MOB1A: variants seen among roughly 807,000 people sequenced by gnomAD.
MOB1A encodes MOB1 Mps One Binder homolog A.
A neutral mutation model predicts 25.1 loss-of-function variants in MOB1A; 10 were observed. The ratio of observed to expected loss-of-function variants is 0.40; its 90% CI spans 0.25 to 0.68. The LOEUF (loss-of-function observed/expected upper bound fraction) is 0.68. MOB1A is among the 30% of genes least tolerant of loss of function. MOB1A has a pLI of 0.40. For missense variants in MOB1A, 177 were observed against 256.3 expected (o/e 0.69, Z 2.11); for synonymous variants, 81 against 79.5 (o/e 1.02, Z -0.10).
chr2:74,178,279 G>A (rs1693534483), intron 1 of MOB1A: 1 of 167,904 alleles, frequency 6.0e-6, no homozygotes, highest in Non-Finnish European at 1.3e-5. Context: ...AATGAAACTG[G>A]ACCTATAACC....
At chr2:74,174,006 C>T (rs1006693589) in intron 1 of MOB1A, among the ~76,000 whole-genome samples, 9 of 146,902 alleles carry the variant, frequency 6.1e-5, no homozygotes, top group African/African-American at 2.3e-4. Flanking sequence ...CGGTGGCTCA[C>T]ACCTGTAATC....
intron 1 of MOB1A, among the ~76,000 whole-genome samples, chr2:74,177,637 C>A (rs1210394255): frequency 6.6e-6 from 1 of 151,316 alleles, no homozygotes; most frequent in Non-Finnish European, 1.5e-5. Flanking sequence ...CAGTTTCTCA[C>A]AATAAAGTGG....
At chr2:74,174,346 A>C (rs531980637) in intron 1 of MOB1A, among the ~76,000 whole-genome samples, 1 of 152,152 alleles carries the variant, frequency 6.6e-6, no homozygotes, top group South Asian at 2.1e-4. Flanking sequence ...CTCTAATCCC[A>C]GCCATTTGAG....
chr2:74,158,909 C>A (rs1354904830), intron 5 of MOB1A, among the ~76,000 whole-genome samples, 182 bp downstream of exon 5: 2 of 152,060 alleles, frequency 1.3e-5, no homozygotes, highest in South Asian at 2.1e-4. Context: ...GGGGTGATAC[C>A]TTTTTATACT....
chr2:74,156,985 T>C (rs1000175767), intron 5 of MOB1A, among the ~76,000 whole-genome samples: 4 of 151,436 alleles, frequency 2.6e-5, no homozygotes, highest in African/African-American at 9.7e-5. Context: ...ATATAAGTAT[T>C]TGGTCTTCCT....
At chr2:74,178,014 T>C (rs1284257570) in intron 1 of MOB1A, 1 of 93,370 alleles carries the variant, frequency 1.1e-5, no homozygotes, top group Non-Finnish European at 2.0e-5. Context: ...AATGGGACTA[T>C]GAATTTGTTT....
intron 2 of MOB1A, among the ~76,000 whole-genome samples, chr2:74,170,574 A>C (rs1693262887): frequency 6.6e-6 from 1 of 151,804 alleles, no homozygotes. Context: ...GTCTCTACTA[A>C]AAATAGAAAA....
In MOB1A at chr2:74,165,338, A is replaced by C. The variant is rs753060505; in HGVS notation, c.289T>G (p.Trp97Gly). 6.5e-7 allele frequency: 1 copy of C among 1,541,586 alleles called. No homozygotes were observed. Among genetic ancestry groups the C allele is most frequent in the East Asian group, 2.3e-5 (1 of 43,018 alleles). The change falls in exon 4 of 6, where the codon TGG becomes GGG. Residue 97 changes from tryptophan (W) to glycine (G), a missense_variant. Coordinates refer to ENST00000396049, the MANE Select transcript of MOB1A (RefSeq NM_018221.5). ...TTTTTAATATTAGTACCATCTGCCC[A>C]GTGATATTCATATCTGAAGAGAAAA... ...MSAGPRYEYH[W>G]ADGTNIKKPI...
intron 1 of MOB1A, among the ~76,000 whole-genome samples, chr2:74,173,379 T>TTG (rs1169785240): frequency 1.2e-3 from 114 of 98,790 alleles, no homozygotes; most frequent in African/African-American, 5.0e-3. Flanking sequence ...AATTTCGGTT[T>TTG]TTTTTTTTTT....
rs886780264 is a variant in MOB1A, at chr2:74,152,743, T to G, written c.*3825A>C. The G allele has an allele frequency of 1.3e-5, 2 of 152,234 alleles. No individual in the cohort carries two copies. The highest frequency in any genetic ancestry group is 2.9e-5 in the Non-Finnish European group (2 of 68,034). The allele number at this position is 152,234 out of a possible 1,614,324, so 9.4% of individuals were successfully genotyped here. ...CATAAATTTTTATGTAAAGAACATT[T>G]AAAAATATTTTAGATGGTAACCAAA... On this transcript the variant is annotated 3_prime_UTR_variant, in exon 6 of 6. Transcript: ENST00000396049.
chr2:74,167,767 G>T (rs377518166), intron 2 of MOB1A, among the ~76,000 whole-genome samples: 2 of 152,076 alleles, frequency 1.3e-5, no homozygotes, highest in South Asian at 2.1e-4. Context: ...GCATACTGAG[G>T]ACAAAATACT....
chr2:74,164,132 AG>A (rs1238482289), intron 4 of MOB1A: 1 of 151,782 alleles, frequency 6.6e-6, no homozygotes, highest in Non-Finnish European at 1.5e-5. Flanking sequence ...TAAGATAATC[AG>A]GGGAGAAAAG....
At chr2:74,173,303 T>G in intron 1 of MOB1A, 1 of 466,182 alleles carries the variant, frequency 2.1e-6, no homozygotes, top group South Asian at 1.6e-5. Flanking sequence ...AGAAACATCC[T>G]GGATTTTAGT....
At chr2:74,156,775 C>T in intron 5 of MOB1A, 130 bp from the exon 6 acceptor site, 1 of 661,368 alleles carries the variant, frequency 1.5e-6, no homozygotes, top group Middle Eastern at 3.0e-4. Context: ...CCTCTGTGAA[C>T]ATTTTAAAGT....
In MOB1A at chr2:74,173,907, C is replaced by T. The variant is rs1442649876; in HGVS notation, c.15-1155G>A. On this transcript the variant is annotated intron_variant, in intron 1 of 5. Coordinates refer to ENST00000396049, the MANE Select transcript of MOB1A (RefSeq NM_018221.5). The stretch of plus-strand genomic sequence containing the variant: ...GAGCTTGCAGTGAGTCGAGATCGCA[C>T]CACTGCACTCCAGCCTGGGCGACAG... Among the ~76,000 whole-genome samples, 2 of 143,290 alleles carry T rather than the reference C, an allele frequency of 1.4e-5. 1 individual carries two copies. The highest frequency in any genetic ancestry group is 7.2e-3 in the Middle Eastern group (2 of 278). The allele number at this position is 143,290 out of a possible 152,430, so 94.0% of individuals were successfully genotyped here.
At chr2:74,173,743 G>A (rs1311756847) in intron 1 of MOB1A, among the ~76,000 whole-genome samples, 1 of 150,038 alleles carries the variant, frequency 6.7e-6, no homozygotes, top group Admixed American at 6.6e-5. Flanking sequence ...GAGGTCAGGA[G>A]ATCGAGACCA....
intron 3 of MOB1A, 115 bp downstream of exon 3, chr2:74,166,899 A>G: frequency 1.4e-6 from 1 of 726,638 alleles, no homozygotes; most frequent in Admixed American, 2.7e-5. Flanking sequence ...TCAAGAACCA[A>G]TAAAACTGAA....
chr2:74,164,521 AAATAAAAAAAT>A, intron 4 of MOB1A: 1 of 143,530 alleles, frequency 7.0e-6, no homozygotes, highest in Non-Finnish European at 1.5e-5. Flanking sequence ...CTGTCTCAAA[AAATAAAAAAAT>A]AAAAAAAGAA....
intron 1 of MOB1A, among the ~76,000 whole-genome samples, chr2:74,175,963 G>C (rs61483163): frequency 0.013 from 1,996 of 151,962 alleles, 35 homozygotes; most frequent in African/African-American, 0.046. Context: ...AAGTAAAAAA[G>C]AGCCGGGTGC....
Sources: allele counts gnomAD v4.1 joint callset (sites outside exome capture counted in the v4.1 genomes callset), GRCh38; gene constraint gnomAD v4.1.1; transcripts MANE v1.5; gene names NCBI Gene and HGNC (gene_info 2026-07-23, HGNC 2026-07-21).